CETP: variants seen among roughly 807,000 people sequenced by gnomAD.
CETP encodes cholesteryl ester transfer protein.
Under a neutral mutation model 66.5 loss-of-function variants are expected in CETP, and 56 were observed. The observed-to-expected ratio is 0.84, with a 90% CI of 0.68 to 1.05. The LOEUF (loss-of-function observed/expected upper bound fraction) is 1.05, where lower values mean the gene tolerates loss of function less well. Among genes scored for constraint, CETP ranks in the 50% least tolerant of loss-of-function variants. The pLI is 0.00. For synonymous variants in CETP, 251 were observed against 245.7 expected (o/e 1.02, Z -0.20); for missense variants, 612 against 609.6 (o/e 1.00, Z -0.04).
chr16:56,969,267 G>T, intron 2 of CETP, 119 bp from the exon 3 acceptor site: 1 of 1,296,110 alleles, frequency 7.7e-7, no homozygotes. Flanking sequence ...TGTGGATTAG[G>T]AGGACATTTT....
rs757208846 is a variant in CETP, at chr16:56,978,175, G to A, written c.1066G>A (p.Val356Met). ...GATCTCCTGCCAAAACAAGGGAGTCGTGGTCAATTCTTCAGTGATGGTGAA... is the reference window on the plus strand; with the variant it reads ...GATCTCCTGCCAAAACAAGGGAGTCATGGTCAATTCTTCAGTGATGGTGAA... ...PKISCQNKGV[V>M]VNSSVMVKFL... is the part of the protein sequence containing the mutation. Residue 356 changes from valine to methionine, a missense_variant, in exon 11 of 16, where the codon GTG becomes ATG. Physicochemically the swap from Val to Met is conservative, Grantham distance 21 (BLOSUM62 1). Coordinates refer to ENST00000200676, the MANE Select transcript of CETP (RefSeq NM_000078.3). 6.2e-6 allele frequency: 10 copies of A among 1,614,126 alleles called. No homozygotes were observed. The Admixed American group carries it at 6.7e-5, about 11-fold the overall frequency.
chr16:56,973,408 C>T lies in CETP; in HGVS notation c.828C>T (p.Arg276=), dbSNP rs756383548. Residue 276 remains arginine (R), a synonymous_variant, in exon 9 of 16, where the codon CGC becomes CGT. Transcript: ENST00000200676. ...CGCCCACACTGCTGGGGGACTCCCG[C>T]ATGCTGTACTTCTGGTTCTCTGAGC... ...TFSPTLLGDS[R]MLYFWFSERV... 1.9e-6 allele frequency: 3 copies of T among 1,614,238 alleles called. No homozygotes were observed. The highest frequency in any genetic ancestry group is 2.5e-6 in the Non-Finnish European group (3 of 1,180,032).
intron 10 of CETP, among the ~76,000 whole-genome samples, chr16:56,976,057 CA>C (rs747100150): frequency 4.6e-5 from 7 of 152,238 alleles, no homozygotes; most frequent in Non-Finnish European, 8.8e-5. Context: ...CAATATTGGG[CA>C]GGCCCCTGAC....
chr16:56,983,563 C>A (rs372328841), intron 15 of CETP, 29 bp from the exon 16 acceptor site: 1 of 1,613,430 alleles, frequency 6.2e-7, no homozygotes, highest in South Asian at 1.1e-5. Context: ...GCCCAGCTCG[C>A]CCCTCTCTCC....
At chr16:56,967,786 A>AC (rs377699528) in intron 2 of CETP, among the ~76,000 whole-genome samples, 33 of 151,528 alleles carry the variant, frequency 2.2e-4, no homozygotes, top group Admixed American at 1.6e-3. Flanking sequence ...ACATAGTGAG[A>AC]CCCCCCCAAT....
chr16:56,971,307 T>C lies in CETP; in HGVS notation c.598-14T>C. 2 of 1,613,828 alleles carry C rather than the reference T, an allele frequency of 1.2e-6. No individual in the cohort carries two copies. Among genetic ancestry groups the C allele is most frequent in the Non-Finnish European group, 8.5e-7 (1 of 1,179,988 alleles). Reference sequence around the variant, plus strand: ...CCTTTCCTGCCTGGAAAGCACCTGCTCTGTCTGCCCCAGATCTGCAAAGAG... The same window carrying C: ...CCTTTCCTGCCTGGAAAGCACCTGCCCTGTCTGCCCCAGATCTGCAAAGAG... On this transcript the variant is annotated splice_polypyrimidine_tract_variant and intron_variant, in intron 6 of 15. Coordinates refer to ENST00000200676, the MANE Select transcript of CETP (RefSeq NM_000078.3).
At chr16:56,971,499 C>A in intron 7 of CETP, 118 bp downstream of exon 7, 1 of 900,192 alleles carries the variant, frequency 1.1e-6, no homozygotes, top group Non-Finnish European at 1.8e-6. Context: ...TGGGCTCTAT[C>A]TGGCTCTGAC....
chr16:56,971,006 G>T (rs1159865620), intron 5 of CETP, 27 bp from the exon 6 acceptor site: 17 of 1,612,348 alleles, frequency 1.1e-5, no homozygotes, highest in Non-Finnish European at 1.2e-5. Flanking sequence ...CTGGTCAGGG[G>T]CTCATTGTGG....
rs1429290385 is a variant in CETP, at chr16:56,983,376, T to C, written c.1372T>C (p.Phe458Leu). ...ALMNSKGVSL[F>L]DIINPEIITR... is the part of the protein sequence containing the mutation. Reference sequence around the variant, plus strand: ...CATGAACAGCAAAGGCGTGAGCCTCTTCGACATCATCAACCCTGAGATTAT... The same window carrying C: ...CATGAACAGCAAAGGCGTGAGCCTCCTCGACATCATCAACCCTGAGATTAT... The change falls in exon 15 of 16, where the codon TTC becomes CTC. Residue 458 changes from phenylalanine to leucine, a missense_variant. Coordinates refer to ENST00000200676, the MANE Select transcript of CETP (RefSeq NM_000078.3). 3 of 1,614,104 alleles carry C rather than the reference T, an allele frequency of 1.9e-6. No individual in the cohort carries two copies. The African/African-American group carries it at 4.0e-5, about 22-fold the overall frequency.
In CETP at chr16:56,976,940, C is replaced by T. The variant is rs562104335; in HGVS notation, c.982-1151C>T. Among the ~76,000 whole-genome samples the T allele has an allele frequency of 2.6e-5, 4 of 152,002 alleles. No individual in the cohort carries two copies. In the East Asian group the frequency reaches 7.8e-4, roughly 30 times the overall value. On this transcript the variant is annotated intron_variant, in intron 10 of 15. Transcript: ENST00000200676. ...TATTTATTTTTGAGACAGAGTCTCG[C>T]TCTTGTTCCCCAGGCTGGAGTGCAG... is the stretch of plus-strand genomic sequence containing the variant.
At chr16:56,976,069 C>T (rs754074416) in intron 10 of CETP, among the ~76,000 whole-genome samples, 11 of 152,210 alleles carry the variant, frequency 7.2e-5, no homozygotes, top group Non-Finnish European at 1.5e-4. Flanking sequence ...GGCCCCTGAC[C>T]GGCTCTTCTC....
intron 14 of CETP, among the ~76,000 whole-genome samples, chr16:56,982,992 C>T (rs532496983): frequency 1.3e-5 from 2 of 152,190 alleles, no homozygotes. Flanking sequence ...TTGCAAAGAA[C>T]ACTTTGAGAA....
rs919572397 is a variant in CETP, at chr16:56,978,316, G to A, written c.1146+61G>A. On this transcript the variant is annotated intron_variant, in intron 11 of 15. Coordinates refer to ENST00000200676, the MANE Select transcript of CETP (RefSeq NM_000078.3). ...ACCTGACTCACATATGGGCCGCAGA[G>A]GGCAGGGGCCTGGGGGTCTCTGAAG... The A allele has an allele frequency of 6.7e-5, 108 of 1,605,666 alleles. 1 individual carries two copies. Among genetic ancestry groups the A allele is most frequent in the Non-Finnish European group, 8.9e-5 (105 of 1,174,024 alleles).
At chr16:56,970,581 AC>A (rs1317543236) in intron 5 of CETP, among the ~76,000 whole-genome samples, 2 of 152,138 alleles carry the variant, frequency 1.3e-5, no homozygotes, top group Non-Finnish European at 2.9e-5. Flanking sequence ...CTTGGCCAAC[AC>A]CCTCTGTCAA....
chr16:56,971,853 C>T (rs1037941284), intron 7 of CETP, 139 bp from the exon 8 acceptor site: 16 of 765,710 alleles, frequency 2.1e-5, no homozygotes, highest in Non-Finnish European at 9.3e-6. Flanking sequence ...TGCCACACCC[C>T]TCCCCGCACA....
rs146032826 is a variant in CETP, at chr16:56,962,860, C to A, written c.119-150C>A. The stretch of plus-strand genomic sequence containing the variant: ...CCTAGAATTGCCATCAACCTTAAAC[C>A]CAGAGGGAGGCCCAGTCCAACCCCT... On this transcript the variant is annotated intron_variant, in intron 1 of 15. Coordinates refer to ENST00000200676, the MANE Select transcript of CETP (RefSeq NM_000078.3). 8.6e-6 allele frequency: 6 copies of A among 697,932 alleles called. No homozygotes were observed. In the East Asian group the frequency reaches 1.7e-4, roughly 19 times the overall value. The allele number at this position is 697,932 out of a possible 1,614,324, so 43.2% of individuals were successfully genotyped here.
At chr16:56,979,838 A>G (rs1400123932) in intron 11 of CETP, among the ~76,000 whole-genome samples, 1 of 152,164 alleles carries the variant, frequency 6.6e-6, no homozygotes, top group Non-Finnish European at 1.5e-5. Context: ...AACTAAAGAC[A>G]AGAGCGATAC....
intron 2 of CETP, among the ~76,000 whole-genome samples, chr16:56,966,155 G>A (rs546426724): frequency 1.3e-5 from 2 of 152,158 alleles, no homozygotes; most frequent in Non-Finnish European, 2.9e-5. Flanking sequence ...GTCCACCATG[G>A]CCCTCCCTGA....
intron 2 of CETP, among the ~76,000 whole-genome samples, chr16:56,965,117 C>T (rs1477392070): frequency 1.3e-5 from 2 of 152,120 alleles, no homozygotes; most frequent in Non-Finnish European, 2.9e-5. Flanking sequence ...ATAATGCTAT[C>T]CTAGACCTAT....
Sources: allele counts gnomAD v4.1 joint callset (sites outside exome capture counted in the v4.1 genomes callset), GRCh38; gene constraint gnomAD v4.1.1; transcripts MANE v1.5; gene names NCBI Gene and HGNC (gene_info 2026-07-23, HGNC 2026-07-21).